COL19A1: variants seen among roughly 807,000 people sequenced by gnomAD.
The protein encoded by COL19A1 is collagen type XIX alpha 1 chain, also known as collagen alpha-1(XIX) chain.
In COL19A1, 159 loss-of-function variants were observed where a neutral mutation model predicts 190.2. The observed-to-expected ratio is 0.84, with a 90% CI of 0.73 to 0.95. COL19A1 has a LOEUF of 0.95. Among genes scored for constraint, COL19A1 ranks in the 40% least tolerant of loss-of-function variants. The pLI is 0.00. For missense variants in COL19A1, 1,418 were observed against 1,431.9 expected, an observed-to-expected ratio of 0.99 and a Z score of 0.16; for synonymous variants, 509 against 458.9, an observed-to-expected ratio of 1.11 and a Z score of -1.39.
chr6:70,209,356 A>G lies in COL19A1; in HGVS notation c.*2082A>G, dbSNP rs1667602758. 6.6e-6 allele frequency: 1 copy of G among 152,324 alleles called. No homozygotes were observed. Among genetic ancestry groups the G allele is most frequent in the Admixed American group, 6.6e-5 (1 of 15,262 alleles). The allele number at this position is 152,324 out of a possible 1,614,324, so 9.4% of individuals were successfully genotyped here. ...TTTGCCTGTTTGCTAATTTAAAAATATTTATTTTATCATTTTAATGTTTTC... is the reference window on the plus strand; with the variant it reads ...TTTGCCTGTTTGCTAATTTAAAAATGTTTATTTTATCATTTTAATGTTTTC... On this transcript the variant is annotated 3_prime_UTR_variant, in exon 51 of 51. Transcript: ENST00000620364.
At chr6:69,874,550 G>T (rs959232667) in intron 1 of COL19A1, among the ~76,000 whole-genome samples, 1 of 152,128 alleles carries the variant, frequency 6.6e-6, no homozygotes, top group Non-Finnish European at 1.5e-5. Flanking sequence ...AGGAGATCGA[G>T]ACCATCCTAG....
At chr6:70,105,178 G>GA (rs1157903989) in intron 16 of COL19A1, among the ~76,000 whole-genome samples, 3 of 152,038 alleles carry the variant, frequency 2.0e-5, no homozygotes, top group Admixed American at 6.6e-5. Context: ...GAAAAATTAG[G>GA]AAAAAATCTA....
intron 15 of COL19A1, among the ~76,000 whole-genome samples, chr6:70,093,337 G>C (rs1783042628): frequency 1.3e-5 from 2 of 152,044 alleles, no homozygotes; most frequent in Admixed American, 6.6e-5. Context: ...GTATATTCAG[G>C]AAATTGTTTA....
intron 17 of COL19A1, among the ~76,000 whole-genome samples, chr6:70,123,846 G>A (rs978363921): frequency 6.7e-6 from 1 of 149,908 alleles, no homozygotes. Context: ...AGCATTGGGA[G>A]ATACACCTAA....
At chr6:70,060,451 G>A (rs991647775) in intron 14 of COL19A1, among the ~76,000 whole-genome samples, 4 of 152,040 alleles carry the variant, frequency 2.6e-5, no homozygotes, top group African/African-American at 9.7e-5. Context: ...CATAGCAGGA[G>A]GTGAGTGGTG....
chr6:69,972,994 C>G (rs923364225), intron 11 of COL19A1, among the ~76,000 whole-genome samples: 1 of 152,114 alleles, frequency 6.6e-6, no homozygotes, highest in Non-Finnish European at 1.5e-5. Context: ...AATTTATTCA[C>G]TCAATATTTT....
chr6:69,990,310 C>A (rs1028984108), intron 11 of COL19A1, among the ~76,000 whole-genome samples: 12 of 152,044 alleles, frequency 7.9e-5, no homozygotes, highest in Non-Finnish European at 1.8e-4. Flanking sequence ...AATGATAAGG[C>A]TTTTGTTTTT....
At chr6:70,123,068 G>A (rs1784972911) in intron 17 of COL19A1, among the ~76,000 whole-genome samples, 1 of 151,826 alleles carries the variant, frequency 6.6e-6, no homozygotes, top group South Asian at 2.1e-4. Flanking sequence ...TCTGACAAAG[G>A]GCTAATATCC....
Position 70,146,795 on chromosome 6 carries a change from A to G in COL19A1, c.1816-17A>G. The G allele has an allele frequency of 6.3e-7, 1 of 1,592,278 alleles. No individual in the cohort carries two copies. The highest frequency in any genetic ancestry group is 8.5e-7 in the Non-Finnish European group (1 of 1,171,858). On this transcript the variant is annotated splice_polypyrimidine_tract_variant and intron_variant, in intron 26 of 50. Transcript: ENST00000620364. ...GTCTCTTGAGCCTTGCAGTAACAGAAGCCTTTCATTTCACAGGGTGAAAGA... is the reference window on the plus strand; with the variant it reads ...GTCTCTTGAGCCTTGCAGTAACAGAGGCCTTTCATTTCACAGGGTGAAAGA...
At position 69,938,087 on chromosome 6, in the gene COL19A1, A is replaced by T. The variant is rs1176784885; in HGVS notation, c.923A>T (p.His308Leu). The change falls in exon 9 of 51, where the codon CAT becomes CTT. Residue 308 changes from histidine (H) to leucine (L), a missense_variant. His to Leu is a moderately conservative substitution (Grantham distance 99, BLOSUM62 -3). Transcript: ENST00000620364. ...GAPGSPGQKG[H>L]KGEPGENGLH... The stretch of plus-strand genomic sequence containing the variant: ...CCGGGTTCACCTGGGCAGAAAGGGC[A>T]TAAAGGAGAGCCGGTAAGAAAAAAA... The T allele has an allele frequency of 6.2e-7, 1 of 1,612,784 alleles. No individual in the cohort carries two copies. Among genetic ancestry groups the T allele is most frequent in the South Asian group, 1.1e-5 (1 of 91,030 alleles).
chr6:69,866,658 G>A lies in COL19A1; in HGVS notation c.-33+18G>A, dbSNP rs1767457806. The stretch of plus-strand genomic sequence containing the variant: ...AATTCAAGGTAAGCTGCGCGGCTTT[G>A]CGACCGGCTCTGCACTTGCCCTCTC... On this transcript the variant is annotated intron_variant, in intron 1 of 50. Transcript: ENST00000620364. 1 of 152,288 alleles carries A rather than the reference G, an allele frequency of 6.6e-6. No individual in the cohort carries two copies. The highest frequency in any genetic ancestry group is 6.5e-5 in the Admixed American group (1 of 15,286). The allele number at this position is 152,288 out of a possible 1,614,324, so 9.4% of individuals were successfully genotyped here. A position where few individuals can be genotyped will look rare whatever the true frequency, so the allele number is the denominator to read the frequency against.
At chr6:69,986,963 C>T (rs1429547188) in intron 11 of COL19A1, among the ~76,000 whole-genome samples, 3 of 152,280 alleles carry the variant, frequency 2.0e-5, no homozygotes, top group East Asian at 3.9e-4. Flanking sequence ...CTCTGTCACC[C>T]GGGCTGGAGT....
At chr6:70,047,071 C>T (rs548561117) in intron 14 of COL19A1, among the ~76,000 whole-genome samples, 9 of 152,122 alleles carry the variant, frequency 5.9e-5, no homozygotes, top group South Asian at 4.1e-4. Context: ...ATCATTGTCA[C>T]GTATTGAGTT....
At chr6:69,992,050 T>G (rs1258841321) in intron 11 of COL19A1, among the ~76,000 whole-genome samples, 1 of 152,158 alleles carries the variant, frequency 6.6e-6, no homozygotes, top group Non-Finnish European at 1.5e-5. Flanking sequence ...TATTTAAGTC[T>G]TTAATTCATC....
chr6:69,974,807 T>G (rs34314210), intron 11 of COL19A1, among the ~76,000 whole-genome samples: 2 of 102,560 alleles, frequency 2.0e-5, no homozygotes, highest in Admixed American at 1.7e-4. Flanking sequence ...GACAGCTTCC[T>G]TTTTTTTTTT....
chr6:70,149,790 G>A, intron 28 of COL19A1, 51 bp downstream of exon 28: 1 of 1,613,370 alleles, frequency 6.2e-7, no homozygotes, highest in East Asian at 2.2e-5. Context: ...TTGCTTACTT[G>A]GGGGAAATGA....
At chr6:70,187,336 A>G (rs1766592548) in intron 46 of COL19A1, among the ~76,000 whole-genome samples, 1 of 152,156 alleles carries the variant, frequency 6.6e-6, no homozygotes, top group African/African-American at 2.4e-5. Flanking sequence ...ACGTGCACAC[A>G]CACATGCATA....
intron 4 of COL19A1, among the ~76,000 whole-genome samples, chr6:69,920,369 C>T (rs922211312): frequency 6.6e-6 from 1 of 152,118 alleles, no homozygotes; most frequent in South Asian, 2.1e-4. Flanking sequence ...GGCTGCTGTA[C>T]ATAGAGAATG....
At chr6:70,025,578 A>G (rs1252123565) in intron 12 of COL19A1, among the ~76,000 whole-genome samples, 1 of 152,178 alleles carries the variant, frequency 6.6e-6, no homozygotes, top group African/African-American at 2.4e-5. Context: ...TGTGGCCCAC[A>G]CTTTGTTTAA....
Sources: gnomAD v4.1 joint callset for allele counts (sites outside exome capture counted in the v4.1 genomes callset) on GRCh38, gnomAD v4.1.1 for gene constraint, MANE v1.5 for transcripts, NCBI Gene and HGNC (gene_info 2026-07-23, HGNC 2026-07-21) for gene names.